TM9SF2: variants seen among roughly 807,000 people sequenced by gnomAD.
TM9SF2 encodes 76 kDa membrane protein.
TM9SF2 carries 13 observed loss-of-function variants against 84.9 expected under a neutral mutation model. The observed-to-expected ratio is 0.15, with a 90% CI of 0.10 to 0.24. The LOEUF (loss-of-function observed/expected upper bound fraction) is 0.24, where lower values mean the gene tolerates loss of function less well. Among genes scored for constraint, TM9SF2 ranks in the 10% least tolerant of loss-of-function variants. The probability of loss-of-function intolerance (pLI) is 1.00; values close to 1 mark genes in which losing one functional copy is unlikely to be tolerated. For missense variants in TM9SF2, 562 were observed against 818.5 expected, an observed-to-expected ratio of 0.69 and a Z score of 3.82; for synonymous variants, 273 against 285.8, an observed-to-expected ratio of 0.96 and a Z score of 0.45.
At chr13:99,523,097 A>G (rs534046258) in intron 3 of TM9SF2, among the ~76,000 whole-genome samples, 1 of 152,366 alleles carries the variant, frequency 6.6e-6, no homozygotes, top group African/African-American at 2.4e-5. Flanking sequence ...TAAGCCAGCC[A>G]TAAATGTATT....
At chr13:99,543,035 G>A (rs975652640) in intron 9 of TM9SF2, among the ~76,000 whole-genome samples, 4 of 152,166 alleles carry the variant, frequency 2.6e-5, no homozygotes, top group African/African-American at 7.2e-5. Flanking sequence ...CACCTGTGCC[G>A]GCTACCTTGC....
rs35156746 is a variant in TM9SF2 at position 99,505,152 on chromosome 13, C to CTT, written c.171+3391_171+3392dup. Among the ~76,000 whole-genome samples, 625 of 134,986 alleles carry CTT rather than the reference C, an allele frequency of 4.6e-3. 19 individuals carry two copies. Among genetic ancestry groups the CTT allele is most frequent in the East Asian group, 0.033 (154 of 4,720 alleles). The allele number at this position is 134,986 out of a possible 152,430, so 88.6% of individuals were successfully genotyped here. On this transcript the variant is annotated intron_variant, in intron 1 of 16. Transcript: ENST00000376387. ...AATAGTGATGTGATGGTCCCTAAGA[C>CTT]TTTTTTTTTTTTTTTTTGAGACGGA... is the stretch of plus-strand genomic sequence containing the variant.
At chr13:99,551,389 C>T (rs1354165721) in intron 12 of TM9SF2, among the ~76,000 whole-genome samples, 1 of 152,154 alleles carries the variant, frequency 6.6e-6, no homozygotes, top group East Asian at 1.9e-4. Flanking sequence ...ATAAGTGATG[C>T]TGGGACAGCT....
At chr13:99,558,442 A>T (rs1417441940) in intron 15 of TM9SF2, among the ~76,000 whole-genome samples, 1 of 152,232 alleles carries the variant, frequency 6.6e-6, no homozygotes, top group East Asian at 1.9e-4. Flanking sequence ...AACAGTGTTA[A>T]GTCTAATAGT....
chr13:99,557,812 T>C lies in TM9SF2; in HGVS notation c.1753-1551T>C, dbSNP rs2046330328. On this transcript the variant is annotated intron_variant, in intron 15 of 16. Coordinates refer to ENST00000376387, the MANE Select transcript of TM9SF2 (RefSeq NM_004800.3). ...AGCCCAGGAGGGCTTCAGTAAGCCA[T>C]GATTACACCACTGCACTCCAGAACC... Among the ~76,000 whole-genome samples the C allele has an allele frequency of 2.0e-5, 3 of 152,182 alleles. No homozygotes were observed. The South Asian group carries it at 6.2e-4, about 32-fold the overall frequency.
intron 1 of TM9SF2, among the ~76,000 whole-genome samples, chr13:99,512,652 A>G (rs1179635796): frequency 6.6e-6 from 1 of 152,250 alleles, no homozygotes; most frequent in Non-Finnish European, 1.5e-5. Context: ...GGTTTCTGGA[A>G]AAGAAGTTTT....
Position 99,563,702 on chromosome 13 carries a change from A to G in TM9SF2, c.*944A>G, listed in dbSNP as rs939572085. Reference sequence around the variant, plus strand: ...ATTTTTGACTTGTTTTTCAAAATACAGTGTTTTAAGTCAGGTTTTATTACC... The same window carrying G: ...ATTTTTGACTTGTTTTTCAAAATACGGTGTTTTAAGTCAGGTTTTATTACC... On this transcript the variant is annotated 3_prime_UTR_variant, in exon 17 of 17. Transcript: ENST00000376387. 2.6e-5 allele frequency: 4 copies of G among 152,240 alleles called. No homozygotes were observed. The highest frequency in any genetic ancestry group is 5.9e-5 in the Non-Finnish European group (4 of 68,040). 9.4% of individuals were successfully genotyped at this position (152,240 alleles called of 1,614,324 possible). A position where few individuals can be genotyped will look rare whatever the true frequency, so the allele number is the denominator to read the frequency against.
chr13:99,537,815 C>T lies in TM9SF2; in HGVS notation c.668C>T (p.Thr223Ile), dbSNP rs567049345. 1.2e-6 allele frequency: 2 copies of T among 1,611,172 alleles called. No homozygotes were observed. The highest frequency in any genetic ancestry group is 1.1e-5 in the South Asian group (1 of 90,078). The change falls in exon 6 of 17, where the codon ACT (threonine) becomes ATT (isoleucine). Residue 223 changes from threonine to isoleucine, a missense_variant. Around this residue, in one of 4 missense-constraint regions of TM9SF2, gnomAD observed 267 missense variants for 316.7 expected, o/e 0.84. Coordinates refer to ENST00000376387, the MANE Select transcript of TM9SF2 (RefSeq NM_004800.3). Reference sequence around the variant, plus strand: ...AAAATATACTATCATGTTGTTGAAACTGGGTCCATGGGAGCAAGATTAGTG... The same window carrying T: ...AAAATATACTATCATGTTGTTGAAATTGGGTCCATGGGAGCAAGATTAGTG... ...DIKIYYHVVETGSMGARLVAA... is the reference protein window; with the variant it reads ...DIKIYYHVVEIGSMGARLVAA...
intron 14 of TM9SF2, among the ~76,000 whole-genome samples, chr13:99,555,007 G>A (rs1234223525): frequency 6.6e-6 from 1 of 152,162 alleles, no homozygotes; most frequent in Non-Finnish European, 1.5e-5. Context: ...CATTCTGTGT[G>A]TGTGTATATC....
chr13:99,554,479 C>A, intron 14 of TM9SF2, 24 bp downstream of exon 14: 1 of 1,607,890 alleles, frequency 6.2e-7, no homozygotes, highest in South Asian at 1.1e-5. Flanking sequence ...AAAGTCCTCT[C>A]ATTCTCATTA....
At chr13:99,524,971 G>A (rs7984052) in intron 3 of TM9SF2, among the ~76,000 whole-genome samples, 136,213 of 151,774 alleles carry the variant, frequency 0.9, 61,176 homozygotes, top group Admixed American at 0.93. Context: ...CCCAGAGGCC[G>A]AGGCAAGAAA....
At chr13:99,552,066 GTA>G in intron 12 of TM9SF2, 99 bp from the exon 13 acceptor site, 22 of 1,139,708 alleles carry the variant, frequency 1.9e-5, no homozygotes, top group Non-Finnish European at 2.3e-5. Context: ...CACTTTCTTT[GTA>G]TATATATATT....
chr13:99,519,327 T>C (rs2046149056), intron 2 of TM9SF2, among the ~76,000 whole-genome samples: 1 of 151,900 alleles, frequency 6.6e-6, no homozygotes, highest in Admixed American at 6.6e-5. Context: ...GAGACCCACC[T>C]TCCTCTTTAG....
rs2046352409 is a variant in TM9SF2 at position 99,563,414 on chromosome 13, T to C, written c.*656T>C. 6.6e-6 allele frequency: 1 copy of C among 152,364 alleles called. No homozygotes were observed. The highest frequency in any genetic ancestry group is 1.5e-5 in the Non-Finnish European group (1 of 68,022). The allele number at this position is 152,364 out of a possible 1,614,324, so 9.4% of individuals were successfully genotyped here. On this transcript the variant is annotated 3_prime_UTR_variant, in exon 17 of 17. Coordinates refer to ENST00000376387, the MANE Select transcript of TM9SF2 (RefSeq NM_004800.3). ...GTCTTCATTGCATCATTACCTATTATATATTCAAGGAGGTTCTGTAAATAC... is the reference window on the plus strand; with the variant it reads ...GTCTTCATTGCATCATTACCTATTACATATTCAAGGAGGTTCTGTAAATAC...
rs1347723121 is a variant in TM9SF2 at position 99,537,540 on chromosome 13, G to A, written c.592-199G>A. On this transcript the variant is annotated intron_variant, in intron 5 of 16. Transcript: ENST00000376387. ...TTATTAGATTTTATGTAAAAAAACT[G>A]TAAGAAGCATATACCTTCCCCAATT... Among the ~76,000 whole-genome samples, 13 of 152,076 alleles carry A rather than the reference G, an allele frequency of 8.5e-5. 1 individual carries two copies. The highest frequency in any genetic ancestry group is 8.5e-4 in the Admixed American group (13 of 15,266).
intron 1 of TM9SF2, among the ~76,000 whole-genome samples, chr13:99,512,680 C>T (rs537654541): frequency 1.3e-5 from 2 of 152,240 alleles, no homozygotes; most frequent in Admixed American, 6.5e-5. Context: ...TCTAGAGTTA[C>T]TGGAAGATTT....
chr13:99,547,937 G>T (rs1320140166), intron 11 of TM9SF2, among the ~76,000 whole-genome samples: 1 of 152,208 alleles, frequency 6.6e-6, no homozygotes, highest in African/African-American at 2.4e-5. Flanking sequence ...GTCAGACACA[G>T]TTCTCTCTTG....
At position 99,501,712 on chromosome 13, in the gene TM9SF2, T is replaced by C; in HGVS notation, c.106T>C (p.Phe36Leu). The C allele has an allele frequency of 6.2e-7, 1 of 1,612,084 alleles. No homozygotes were observed. The highest frequency in any genetic ancestry group is 8.5e-7 in the Non-Finnish European group (1 of 1,179,622). Residue 36 changes from phenylalanine (F) to leucine (L), a missense_variant, in exon 1 of 17, where the codon TTC (phenylalanine) becomes CTC (leucine). Around this residue, in one of 4 missense-constraint regions of TM9SF2, gnomAD observed 267 missense variants for 316.7 expected, o/e 0.84. Coordinates refer to ENST00000376387, the MANE Select transcript of TM9SF2 (RefSeq NM_004800.3). ...AVPGPRRSGA[F>L]YLPGLAPVNF... ...TCCTGGCCCGCGCCGGAGCGGCGCT[T>C]TCTACCTGCCCGGCCTGGCGCCCGT...
In TM9SF2 at chr13:99,559,375, C is replaced by T. The variant is rs2046335822; in HGVS notation, c.1765C>T (p.Gln589Ter). 6.3e-7 allele frequency: 1 copy of T among 1,591,210 alleles called. No individual in the cohort carries two copies. The highest frequency in any genetic ancestry group is 8.5e-7 in the Non-Finnish European group (1 of 1,171,436). ...CTTTACTACCTAGGATTATCATTGG[C>T]AATGGCGTTCATTCCTTACGAGTGG... is the stretch of plus-strand genomic sequence containing the variant. ...FHLCAEDYHW[Q>*]WRSFLTSGFT... The change falls in exon 16 of 17, where the codon CAA becomes TAA. Residue 589 changes from glutamine to a stop codon, truncating the protein, a stop_gained. Coordinates refer to ENST00000376387, the MANE Select transcript of TM9SF2 (RefSeq NM_004800.3). LOFTEE classifies it high-confidence loss of function.
Sources: gnomAD v4.1 joint callset for allele counts (sites outside exome capture counted in the v4.1 genomes callset) on GRCh38, gnomAD v4.1.1 for gene constraint, gnomAD v4.1.1 regional missense constraint, MANE v1.5 for transcripts, NCBI Gene and HGNC (gene_info 2026-07-23, HGNC 2026-07-21) for gene names.